ZFHX3: variants seen among roughly 807,000 people sequenced by gnomAD.
ZFHX3 encodes the protein zinc finger homeobox protein 3.
A neutral mutation model predicts 279.1 loss-of-function variants in ZFHX3; 42 were observed. The observed-to-expected ratio is 0.15, with a 90% CI of 0.12 to 0.19. ZFHX3 has a LOEUF of 0.19. Among genes scored for constraint, ZFHX3 ranks in the 10% least tolerant of loss-of-function variants. The pLI, the probability that ZFHX3 is intolerant of heterozygous loss-of-function variation, is 1.00. For missense variants in ZFHX3, 4,981 were observed against 4,754.0 expected, an observed-to-expected ratio of 1.05 and a Z score of -1.40; for synonymous variants, 2,293 against 1,957.8, an observed-to-expected ratio of 1.17 and a Z score of -4.52.
At chr16:72,945,499 C>T (rs1223630665) in intron 3 of ZFHX3, among the ~76,000 whole-genome samples, 1 of 152,134 alleles carries the variant, frequency 6.6e-6, no homozygotes. Flanking sequence ...AGGCCTCCAG[C>T]TGCTCCAGGA....
chr16:73,780,036 T>C (rs2452446), intron 1 of ZFHX3, among the ~76,000 whole-genome samples: 65,606 of 148,454 alleles, frequency 0.44, 15,212 homozygotes, highest in African/African-American at 0.6. Flanking sequence ...TAGCGCAGAC[T>C]ATGAAGTCAT....
At chr16:73,075,720 G>A (rs546153887) in intron 8 of ZFHX3, among the ~76,000 whole-genome samples, 5 of 151,480 alleles carry the variant, frequency 3.3e-5, no homozygotes, top group Non-Finnish European at 4.4e-5. Flanking sequence ...TGCAACCTCC[G>A]CCTCCTGGGT....
At chr16:73,295,171 C>T (rs188551750) in intron 4 of ZFHX3, among the ~76,000 whole-genome samples, 1 of 151,742 alleles carries the variant, frequency 6.6e-6, no homozygotes, top group African/African-American at 2.4e-5. Context: ...GCTGAGATCG[C>T]GCCACTGCAC....
intron 3 of ZFHX3, among the ~76,000 whole-genome samples, chr16:72,890,272 G>T (rs952345051): frequency 6.6e-6 from 1 of 152,066 alleles, no homozygotes; most frequent in Non-Finnish European, 1.5e-5. Flanking sequence ...GTTTTATAAG[G>T]GGCTTTTCCC....
intron 2 of ZFHX3, among the ~76,000 whole-genome samples, chr16:73,659,724 C>T (rs879828438): frequency 7.2e-5 from 11 of 152,156 alleles, no homozygotes; most frequent in Non-Finnish European, 1.6e-4. Context: ...AAGAGTATAA[C>T]TGCATTCTCT....
intron 1 of ZFHX3, among the ~76,000 whole-genome samples, chr16:73,707,002 T>G (rs1414350062): frequency 1.3e-5 from 2 of 152,216 alleles, no homozygotes; most frequent in African/African-American, 4.8e-5. Context: ...TGTTTTTAAA[T>G]CAAAGAAGCT....
At position 72,795,136 on chromosome 16, in the gene ZFHX3, T is replaced by C. The variant is rs1360548511; in HGVS notation, c.7546A>G (p.Thr2516Ala). 3 of 1,612,192 alleles carry C rather than the reference T, an allele frequency of 1.9e-6. No homozygotes were observed. Among genetic ancestry groups the C allele is most frequent in the South Asian group, 2.2e-5 (2 of 90,910 alleles). Residue 2516 changes from threonine (T) to alanine (A), a missense_variant, in exon 9 of 10, where the codon ACT becomes GCT. Transcript: ENST00000268489. Reference sequence around the variant, plus strand: ...GGTAGGTTTGCGAGCTGTTGAGGAGTTGATGTGTGGAGGGGCTTGAGGGGC... The same window carrying C: ...GGTAGGTTTGCGAGCTGTTGAGGAGCTGATGTGTGGAGGGGCTTGAGGGGC... ...HLPLKPLHTSTPQQLANLPPQ... is the reference protein window; with the variant it reads ...HLPLKPLHTSAPQQLANLPPQ...
chr16:73,026,767 T>G (rs1964526593), intron 1 of ZFHX3, among the ~76,000 whole-genome samples: 1 of 150,846 alleles, frequency 6.6e-6, no homozygotes, highest in South Asian at 2.1e-4. Flanking sequence ...AAACCATTTC[T>G]CATCCATTTT....
At chr16:73,119,482 G>T (rs969814079) in intron 7 of ZFHX3, among the ~76,000 whole-genome samples, 1 of 152,152 alleles carries the variant, frequency 6.6e-6, no homozygotes, top group Admixed American at 6.5e-5. Context: ...CAGGCCTTAG[G>T]ATGAGGGCAA....
intron 2 of ZFHX3, among the ~76,000 whole-genome samples, chr16:73,583,815 C>A (rs73602968): frequency 1.3e-5 from 2 of 152,094 alleles, no homozygotes; most frequent in South Asian, 2.1e-4. Flanking sequence ...AGTATTAAGA[C>A]CCTCTAGAAC....
At chr16:73,764,869 C>G (rs1043728652) in intron 1 of ZFHX3, among the ~76,000 whole-genome samples, 1 of 152,180 alleles carries the variant, frequency 6.6e-6, no homozygotes. Flanking sequence ...GATACCTATG[C>G]GTCTTGGATT....
intron 1 of ZFHX3, among the ~76,000 whole-genome samples, chr16:73,038,511 C>T (rs941079667): frequency 2.0e-5 from 3 of 152,228 alleles, no homozygotes; most frequent in African/African-American, 4.8e-5. Flanking sequence ...CAACTGCACG[C>T]GGCTTCTGAG....
chr16:73,450,002 C>T (rs2018256187), intron 3 of ZFHX3, among the ~76,000 whole-genome samples: 1 of 152,152 alleles, frequency 6.6e-6, no homozygotes, highest in South Asian at 2.1e-4. Context: ...ATTTGTCATG[C>T]ATAACCCTAT....
chr16:73,197,316 A>G (rs2144895075), intron 5 of ZFHX3, among the ~76,000 whole-genome samples: 1 of 152,296 alleles, frequency 6.6e-6, no homozygotes, highest in East Asian at 1.9e-4. Context: ...GGGTATTGCT[A>G]TATCCACGGC....
At chr16:73,447,397 T>A (rs937698663) in intron 3 of ZFHX3, among the ~76,000 whole-genome samples, 36 of 151,976 alleles carry the variant, frequency 2.4e-4, no homozygotes, top group African/African-American at 8.5e-4. Flanking sequence ...ATACCCTGAA[T>A]CCCAGAATGA....
At chr16:72,960,341 C>G in intron 1 of ZFHX3, 147 bp from the exon 2 acceptor site, 1 of 596,524 alleles carries the variant, frequency 1.7e-6, no homozygotes. Flanking sequence ...GGGCGGAGGG[C>G]GGGCCTGGGG....
At chr16:73,013,180 T>C (rs1963973928) in intron 1 of ZFHX3, among the ~76,000 whole-genome samples, 1 of 152,240 alleles carries the variant, frequency 6.6e-6, no homozygotes, top group African/African-American at 2.4e-5. Context: ...TCTGTGCCCT[T>C]CAAGTGACCT....
At chr16:72,789,120 A>G (rs2035591900) in intron 9 of ZFHX3, 1 of 379,872 alleles carries the variant, frequency 2.6e-6, no homozygotes, top group Admixed American at 4.1e-5. Context: ...GAGCTGGACA[A>G]CCTTGTATTC....
At chr16:73,139,358 T>A (rs958542608) in intron 6 of ZFHX3, among the ~76,000 whole-genome samples, 3 of 152,156 alleles carry the variant, frequency 2.0e-5, no homozygotes, top group Non-Finnish European at 4.4e-5. Flanking sequence ...TGTGCATGCA[T>A]AGGAGATATC....
Sources: gnomAD v4.1 joint callset for allele counts (sites outside exome capture counted in the v4.1 genomes callset) on GRCh38, gnomAD v4.1.1 for gene constraint, MANE v1.5 for transcripts, NCBI Gene and HGNC (gene_info 2026-07-23, HGNC 2026-07-21) for gene names.